CRACDL: variants seen among roughly 807,000 people sequenced by gnomAD.
CRACDL encodes the protein CRACD-like protein.
In CRACDL, 26 loss-of-function variants were observed where a neutral mutation model predicts 70.6. That is an observed-to-expected ratio of 0.37 (90% CI 0.27 to 0.51). The LOEUF is 0.51. Ranked by LOEUF, CRACDL falls within the 20% of genes least tolerant of loss-of-function variation. The pLI is 0.94. For missense variants in CRACDL, 1,283 were observed against 1,376.9 expected, an observed-to-expected ratio of 0.93 and a Z score of 1.08; for synonymous variants, 618 against 615.2, an observed-to-expected ratio of 1.00 and a Z score of -0.07.
chr2:98,869,006 C>T (rs946714683), intron 1 of CRACDL: 1 of 986,754 alleles, frequency 1.0e-6, no homozygotes, highest in African/African-American at 1.7e-5. Flanking sequence ...CACCCACGCC[C>T]CGGGAGTCAC....
chr2:98,831,937 C>T (rs917122153), intron 5 of CRACDL, among the ~76,000 whole-genome samples: 1 of 152,160 alleles, frequency 6.6e-6, no homozygotes, highest in Non-Finnish European at 1.5e-5. Flanking sequence ...GCACCGGAGA[C>T]CATCAGAGCC....
chr2:98,827,224 G>C, intron 5 of CRACDL, 55 bp from the exon 6 acceptor site: 1 of 1,296,114 alleles, frequency 7.7e-7, no homozygotes. Context: ...TGTGAAATAA[G>C]GACGACCAAC....
chr2:98,869,109 C>T, intron 1 of CRACDL: 1 of 1,304,362 alleles, frequency 7.7e-7, no homozygotes, highest in Non-Finnish European at 1.0e-6. Flanking sequence ...TGGTAAAAGG[C>T]AGCCATCCTC....
At chr2:98,803,644 T>C (rs1165618491) in intron 7 of CRACDL, among the ~76,000 whole-genome samples, 1 of 152,178 alleles carries the variant, frequency 6.6e-6, no homozygotes, top group Non-Finnish European at 1.5e-5. Flanking sequence ...TATGCTGTCA[T>C]CCTAAAAATG....
At chr2:98,833,150 A>G (rs538460851) in intron 3 of CRACDL, among the ~76,000 whole-genome samples, 153 bp from the exon 4 acceptor site, 1 of 152,390 alleles carries the variant, frequency 6.6e-6, no homozygotes, top group Non-Finnish European at 1.5e-5. Flanking sequence ...ACTTCAGTTC[A>G]TCCACACGCT....
intron 1 of CRACDL, among the ~76,000 whole-genome samples, chr2:98,916,840 T>C (rs1391576017): frequency 6.6e-6 from 1 of 152,234 alleles, no homozygotes; most frequent in Non-Finnish European, 1.5e-5. Flanking sequence ...CAGCTGCCTG[T>C]TGCCCTGAGC....
intron 9 of CRACDL, 110 bp downstream of exon 9, chr2:98,796,010 C>T: frequency 1.0e-6 from 1 of 991,518 alleles, no homozygotes; most frequent in Non-Finnish European, 1.6e-6. Context: ...GTGTAGAAAA[C>T]TCAATGTTGC....
intron 7 of CRACDL, among the ~76,000 whole-genome samples, chr2:98,806,343 A>G (rs527544652): frequency 6.6e-6 from 1 of 152,366 alleles, no homozygotes; most frequent in African/African-American, 2.4e-5. Flanking sequence ...GAGGCCAGGA[A>G]TCTGGCCAGC....
intron 1 of CRACDL, among the ~76,000 whole-genome samples, chr2:98,855,420 T>A (rs1426461104): frequency 6.6e-6 from 1 of 152,052 alleles, no homozygotes; most frequent in African/African-American, 2.4e-5. Context: ...TAAGGATATA[T>A]CACGAGGCAA....
chr2:98,833,109 C>G (rs1705616461), intron 3 of CRACDL, 112 bp from the exon 4 acceptor site: 1 of 967,232 alleles, frequency 1.0e-6, no homozygotes. Flanking sequence ...ACAACACTCC[C>G]TCTGCTGCAT....
At chr2:98,888,867 C>A (rs551437529) in intron 1 of CRACDL, among the ~76,000 whole-genome samples, 1 of 152,128 alleles carries the variant, frequency 6.6e-6, no homozygotes, top group Non-Finnish European at 1.5e-5. Context: ...CAGTGGCTCA[C>A]GCCTGTAATC....
At chr2:98,904,728 T>C (rs1406584696) in intron 1 of CRACDL, among the ~76,000 whole-genome samples, 1 of 152,256 alleles carries the variant, frequency 6.6e-6, no homozygotes, top group Non-Finnish European at 1.5e-5. Context: ...TCTATGTTTA[T>C]GAAGAATATT....
chr2:98,797,980 G>A (rs1233043394), intron 7 of CRACDL, among the ~76,000 whole-genome samples: 1 of 152,180 alleles, frequency 6.6e-6, no homozygotes, highest in Admixed American at 6.5e-5. Context: ...TCTGGAGACA[G>A]TGACACCAAA....
chr2:98,796,646 A>G (rs1402744224), intron 8 of CRACDL, among the ~76,000 whole-genome samples: 1 of 152,214 alleles, frequency 6.6e-6, no homozygotes, highest in Non-Finnish European at 1.5e-5. Context: ...CCACGCCTAC[A>G]TGAGGGTCTT....
chr2:98,902,516 T>A (rs942513267), intron 1 of CRACDL, among the ~76,000 whole-genome samples: 1 of 152,118 alleles, frequency 6.6e-6, no homozygotes, highest in Non-Finnish European at 1.5e-5. Flanking sequence ...TCCTGAGCAG[T>A]GGGCACAGGC....
At chr2:98,798,293 T>C (rs1252941520) in intron 7 of CRACDL, among the ~76,000 whole-genome samples, 1 of 151,868 alleles carries the variant, frequency 6.6e-6, no homozygotes, top group Non-Finnish European at 1.5e-5. Context: ...TGCAGTGAGC[T>C]GAGATCACGC....
intron 1 of CRACDL, among the ~76,000 whole-genome samples, chr2:98,848,261 C>A (rs1451281153): frequency 6.6e-6 from 1 of 152,198 alleles, no homozygotes; most frequent in East Asian, 1.9e-4. Flanking sequence ...GCTGATGGCC[C>A]AACCCAAAGG....
chr2:98,932,470 G>C (rs1037424656), intron 1 of CRACDL, among the ~76,000 whole-genome samples: 5 of 152,144 alleles, frequency 3.3e-5, no homozygotes, highest in Non-Finnish European at 7.4e-5. Context: ...ATTATGACTC[G>C]GACCTTTCCG....
At chr2:98,910,457 G>A (rs1708520011) in intron 1 of CRACDL, among the ~76,000 whole-genome samples, 1 of 151,858 alleles carries the variant, frequency 6.6e-6, no homozygotes, top group South Asian at 2.1e-4. Flanking sequence ...GGAGGTGGAG[G>A]TTGCAGTGAG....
Sources: allele counts gnomAD v4.1 joint callset (sites outside exome capture counted in the v4.1 genomes callset), GRCh38; gene constraint gnomAD v4.1.1; transcripts MANE v1.5; gene names NCBI Gene and HGNC (gene_info 2026-07-23, HGNC 2026-07-21).